The following STX6 variants were observed in gnomAD, a reference collection of about 807,000 sequenced individuals.
STX6 encodes syntaxin-6.
STX6 carries 23 observed loss-of-function variants against 38.0 expected under a neutral mutation model. That is an observed-to-expected ratio of 0.60 (90% CI 0.43 to 0.86). The LOEUF (loss-of-function observed/expected upper bound fraction) is 0.86, where lower values mean the gene tolerates loss of function less well. STX6 is among the 40% of genes least tolerant of loss of function. The pLI is 0.00. For synonymous variants in STX6, 123 were observed against 107.5 expected (o/e 1.14, Z -0.89); for missense variants, 274 against 312.9 (o/e 0.88, Z 0.94).
At position 180,993,390 on chromosome 1, in the gene STX6, C is replaced by T. The variant is rs34036241; in HGVS notation, c.336G>A (p.Gln112=). The T allele has an allele frequency of 0.02, 32,226 of 1,597,860 alleles. 655 individuals carry two copies. The highest frequency in any genetic ancestry group is 0.099 in the African/African-American group (7,409 of 74,510). The change falls in exon 4 of 8, where the codon CAG becomes CAA. Residue 112 remains glutamine (Q), a synonymous_variant. Coordinates refer to ENST00000258301, the MANE Select transcript of STX6 (RefSeq NM_005819.6). ...GTCTATTTTTTCTTTCAGCTAATGC[C>T]TGCACAGATGAAGTTGACATCTGAT... The part of the protein sequence containing the change: ...MKDQMSTSSV[Q]ALAERKNRQA...
At chr1:180,999,007 C>T (rs866394270) in intron 3 of STX6, among the ~76,000 whole-genome samples, 5 of 152,278 alleles carry the variant, frequency 3.3e-5, no homozygotes, top group Non-Finnish European at 4.4e-5. Context: ...CCAGTGCTTC[C>T]CACTCATAAT....
At chr1:180,981,807 GCA>G (rs1487779234) in intron 7 of STX6, among the ~76,000 whole-genome samples, 2 of 152,190 alleles carry the variant, frequency 1.3e-5, no homozygotes, top group East Asian at 3.9e-4. Flanking sequence ...GAGGCTTCAT[GCA>G]TAGAAGGAAC....
chr1:181,018,388 CAAAAA>C lies in STX6; in HGVS notation c.35+4246_35+4250del, dbSNP rs34962747. ...TGGGCGACAGAGTAAGACTCTGTCCCAAAAAAAAAAAAAAAAAAAAAAAAAAGAAA... is the reference window on the plus strand; with the variant it reads ...TGGGCGACAGAGTAAGACTCTGTCCCAAAAAAAAAAAAAAAAAAAAAGAAA... On this transcript the variant is annotated intron_variant, in intron 1 of 7. Transcript: ENST00000258301. Among the ~76,000 whole-genome samples the C allele has an allele frequency of 1.6e-3, 69 of 43,034 alleles. No homozygotes were observed. In the South Asian group the frequency reaches 0.067, roughly 41 times the overall value. 28.2% of individuals were successfully genotyped at this position (43,034 alleles called of 152,430 possible).
intron 3 of STX6, 42 bp from the exon 4 acceptor site, chr1:180,993,467 T>C (rs1222255573): frequency 4.2e-6 from 5 of 1,179,450 alleles, no homozygotes; most frequent in Non-Finnish European, 6.3e-6. Flanking sequence ...AAAATATCCT[T>C]AAACAAAATC....
chr1:180,999,616 C>A (rs1656019215), intron 3 of STX6, among the ~76,000 whole-genome samples: 2 of 149,466 alleles, frequency 1.3e-5, no homozygotes, highest in Non-Finnish European at 1.5e-5. Context: ...GGACATTAAT[C>A]AAGAAGAAAC....
intron 1 of STX6, among the ~76,000 whole-genome samples, chr1:181,012,736 A>G (rs928089836): frequency 2.2e-4 from 31 of 142,100 alleles, no homozygotes; most frequent in Admixed American, 1.0e-3. Flanking sequence ...GTACAATGGC[A>G]CAATCTCAGC....
intron 1 of STX6, among the ~76,000 whole-genome samples, 174 bp downstream of exon 1, chr1:181,022,465 T>C (rs940030060): frequency 2.0e-5 from 3 of 152,110 alleles, no homozygotes; most frequent in Non-Finnish European, 4.4e-5. Flanking sequence ...CAGGTAGGGA[T>C]GGAGGGAACG....
chr1:181,003,906 G>A (rs1233650394), intron 2 of STX6, among the ~76,000 whole-genome samples: 1 of 152,188 alleles, frequency 6.6e-6, no homozygotes, highest in Non-Finnish European at 1.5e-5. Flanking sequence ...CAGTTTCATG[G>A]AACAAGACAT....
chr1:181,022,701 T>C lies in STX6; in HGVS notation c.-28A>G. ...CGTCCCGGCCCCGGCCGCCTTCACC[T>C]CCTCCGCGCACAGGGCGCCCGTGCC... On this transcript the variant is annotated 5_prime_UTR_variant, in exon 1 of 8. Coordinates refer to ENST00000258301, the MANE Select transcript of STX6 (RefSeq NM_005819.6). The C allele has an allele frequency of 2.5e-6, 4 of 1,597,594 alleles. No homozygotes were observed. The highest frequency in any genetic ancestry group is 3.4e-6 in the Non-Finnish European group (4 of 1,173,610).
intron 1 of STX6, among the ~76,000 whole-genome samples, chr1:181,019,534 G>A (rs1398997911): frequency 6.6e-6 from 1 of 152,192 alleles, no homozygotes; most frequent in Non-Finnish European, 1.5e-5. Context: ...TGCATGTAGA[G>A]TAAGAGCATC....
Position 180,976,077 on chromosome 1 carries a change from AG to A in STX6, c.*492del, listed in dbSNP as rs1433186560. On this transcript the variant is annotated 3_prime_UTR_variant, in exon 8 of 8. Transcript: ENST00000258301. ...CTGTCCTCAATAATCATCAGCTCTC[AG>A]GGGATAAGAAATGCTACAGCAATGG... 4 of 153,904 alleles carry A rather than the reference AG, an allele frequency of 2.6e-5. No individual in the cohort carries two copies. Among genetic ancestry groups the A allele is most frequent in the Non-Finnish European group, 5.8e-5 (4 of 68,828 alleles). The allele number at this position is 153,904 out of a possible 1,614,324, so 9.5% of individuals were successfully genotyped here.
chr1:181,005,262 C>A lies in STX6; in HGVS notation c.205+32G>T, dbSNP rs750872540. On this transcript the variant is annotated intron_variant, in intron 2 of 7. Coordinates refer to ENST00000258301, the MANE Select transcript of STX6 (RefSeq NM_005819.6). Reference sequence around the variant, plus strand: ...AAACTTGTCCATTTGTCTATTTATCCCGAATGGCACAGACACCACAGAAAA... The same window carrying A: ...AAACTTGTCCATTTGTCTATTTATCACGAATGGCACAGACACCACAGAAAA... 1.3e-5 allele frequency: 20 copies of A among 1,582,742 alleles called. No individual in the cohort carries two copies. In the South Asian group the frequency reaches 2.0e-4, roughly 15 times the overall value.
At chr1:181,003,155 C>A (rs1320142765) in intron 2 of STX6, among the ~76,000 whole-genome samples, 1 of 152,204 alleles carries the variant, frequency 6.6e-6, no homozygotes, top group African/African-American at 2.4e-5. Context: ...AGAGAAGCTG[C>A]CCTCATTCCC....
At chr1:180,996,466 T>C (rs1655918352) in intron 3 of STX6, among the ~76,000 whole-genome samples, 1 of 152,300 alleles carries the variant, frequency 6.6e-6, no homozygotes, top group African/African-American at 2.4e-5. Context: ...TTTTCTCCAA[T>C]TAGACCAAGA....
At chr1:181,020,428 C>T (rs56226311) in intron 1 of STX6, among the ~76,000 whole-genome samples, 81 of 152,182 alleles carry the variant, frequency 5.3e-4, no homozygotes, top group Non-Finnish European at 9.6e-4. Context: ...TCACCTGTTC[C>T]TTTATATTTT....
chr1:181,022,787 G>A lies in STX6; in HGVS notation c.-114C>T. ...CAGCTGCCCGCGCCTTAGTCTGGGT[G>A]AAGCCGAGCAGCGGGCACGCGCACA... On this transcript the variant is annotated 5_prime_UTR_variant, in exon 1 of 8. Transcript: ENST00000258301. The A allele has an allele frequency of 9.1e-7, 1 of 1,104,250 alleles. No homozygotes were observed. The highest frequency in any genetic ancestry group is 1.6e-5 in the African/African-American group (1 of 64,266). 68.4% of individuals were successfully genotyped at this position (1,104,250 alleles called of 1,614,324 possible). A position where few individuals can be genotyped will look rare whatever the true frequency, so the allele number is the denominator to read the frequency against.
chr1:181,006,206 G>A (rs1453852072), intron 1 of STX6, among the ~76,000 whole-genome samples: 3 of 152,044 alleles, frequency 2.0e-5, no homozygotes, highest in African/African-American at 2.4e-5. Flanking sequence ...GGGATTACAG[G>A]TGCCCGCCAC....
At chr1:181,021,852 C>A (rs1656737965) in intron 1 of STX6, among the ~76,000 whole-genome samples, 1 of 152,172 alleles carries the variant, frequency 6.6e-6, no homozygotes, top group African/African-American at 2.4e-5. Flanking sequence ...ATAGGAGAAA[C>A]CTGTCAAACA....
chr1:181,012,672 C>CTT (rs58296301), intron 1 of STX6, among the ~76,000 whole-genome samples: 1,562 of 118,864 alleles, frequency 0.013, 41 homozygotes, highest in African/African-American at 0.024. Context: ...TTCTTCCATT[C>CTT]TTTTTTTTTT....
Sources: gnomAD v4.1 joint callset for allele counts (sites outside exome capture counted in the v4.1 genomes callset) on GRCh38, gnomAD v4.1.1 for gene constraint, MANE v1.5 for transcripts, NCBI Gene and HGNC (gene_info 2026-07-23, HGNC 2026-07-21) for gene names.